The following ATP13A5 variants were observed in gnomAD, a reference collection of about 807,000 sequenced individuals.
ATP13A5 encodes ATPase 13A5, also known as probable cation-transporting ATPase 13A5.
A neutral mutation model predicts 150.2 loss-of-function variants in ATP13A5; 149 were observed. The observed-to-expected ratio is 0.99, with a 90% confidence interval of 0.87 to 1.14. ATP13A5 has a LOEUF of 1.14. Ranked by LOEUF, ATP13A5 falls within the 50% of genes most tolerant of loss-of-function variation. The probability of loss-of-function intolerance (pLI) is 0.00; values close to 1 mark genes in which losing one functional copy is unlikely to be tolerated. For missense variants in ATP13A5, 1,383 were observed against 1,449.3 expected (o/e 0.95, Z 0.74); for synonymous variants, 497 against 522.2 (o/e 0.95, Z 0.66).
intron 9 of ATP13A5, among the ~76,000 whole-genome samples, chr3:193,342,193 TA>T (rs1712154714): frequency 6.6e-6 from 1 of 152,230 alleles, no homozygotes; most frequent in African/African-American, 2.4e-5. Context: ...GAATATTTGA[TA>T]TTTTTATTCT....
chr3:193,358,225 C>T (rs1285289788), intron 5 of ATP13A5, among the ~76,000 whole-genome samples: 1 of 152,180 alleles, frequency 6.6e-6, no homozygotes, highest in African/African-American at 2.4e-5. Context: ...GAGATTCTGG[C>T]ATAACCCACT....
At chr3:193,334,250 C>T (rs1180193668) in intron 10 of ATP13A5, among the ~76,000 whole-genome samples, 1 of 152,118 alleles carries the variant, frequency 6.6e-6, no homozygotes, top group Non-Finnish European at 1.5e-5. Context: ...GTGAATAAGT[C>T]GGGTGGCAGA....
At chr3:193,360,722 G>A (rs1307208101) in intron 5 of ATP13A5, among the ~76,000 whole-genome samples, 2 of 152,068 alleles carry the variant, frequency 1.3e-5, no homozygotes, top group Non-Finnish European at 2.9e-5. Context: ...TGTTGCCCAG[G>A]CTAAAGTACA....
At chr3:193,293,823 T>C (rs1284498122) in intron 25 of ATP13A5, among the ~76,000 whole-genome samples, 1 of 152,040 alleles carries the variant, frequency 6.6e-6, no homozygotes, top group Admixed American at 6.6e-5. Context: ...CCAGAAAAGA[T>C]TAGGAGTCAT....
At chr3:193,318,108 A>G (rs1164343274) in intron 17 of ATP13A5, among the ~76,000 whole-genome samples, 1 of 152,222 alleles carries the variant, frequency 6.6e-6, no homozygotes, top group Non-Finnish European at 1.5e-5. Context: ...GCCTTCTTGG[A>G]GATCATCCAA....
At chr3:193,339,342 G>C (rs888347628) in intron 9 of ATP13A5, among the ~76,000 whole-genome samples, 4 of 152,096 alleles carry the variant, frequency 2.6e-5, no homozygotes, top group African/African-American at 7.2e-5. Flanking sequence ...GTCAACTTTA[G>C]ATCTTTCCTG....
Position 193,305,687 on chromosome 3 carries a change from G to A in ATP13A5, c.2569-19C>T. On this transcript the variant is annotated intron_variant, in intron 22 of 29. Coordinates refer to ENST00000342358, the MANE Select transcript of ATP13A5 (RefSeq NM_198505.4). ...TCAAAGCCTGGAATGATAAGCCCAT[G>A]TCTCACCCATGACTTTTCAGGTTAG... The A allele has an allele frequency of 5.0e-6, 8 of 1,608,456 alleles. No individual in the cohort carries two copies. Among genetic ancestry groups the A allele is most frequent in the Non-Finnish European group, 6.8e-6 (8 of 1,174,966 alleles).
At chr3:193,349,774 A>C (rs1712492404) in intron 7 of ATP13A5, among the ~76,000 whole-genome samples, 1 of 152,130 alleles carries the variant, frequency 6.6e-6, no homozygotes, top group Non-Finnish European at 1.5e-5. Context: ...ATCCAGGGGA[A>C]ATAAACACTC....
Position 193,318,974 on chromosome 3 carries a change from A to G in ATP13A5, c.2033+17T>C, listed in dbSNP as rs1719155314. 21 of 1,591,356 alleles carry G rather than the reference A, an allele frequency of 1.3e-5. No individual in the cohort carries two copies. The highest frequency in any genetic ancestry group is 1.8e-5 in the Non-Finnish European group (21 of 1,159,516). On this transcript the variant is annotated intron_variant, in intron 17 of 29. Transcript: ENST00000342358. Reference sequence around the variant, plus strand: ...GGGCACAGAGCCTGCTCTAGTGCCAATTTCTGAATTGCTTACCTGGCTAAG... The same window carrying G: ...GGGCACAGAGCCTGCTCTAGTGCCAGTTTCTGAATTGCTTACCTGGCTAAG...
rs1577334787 is a variant in ATP13A5, at chr3:193,301,239, T to C, written c.2747A>G (p.Gln916Arg). The change falls in exon 24 of 30, where the codon CAG becomes CGG. Residue 916 changes from glutamine (Q) to arginine (R), a missense_variant. Gln to Arg is a conservative substitution (Grantham distance 43, BLOSUM62 1). Coordinates refer to ENST00000342358, the MANE Select transcript of ATP13A5 (RefSeq NM_198505.4). ...ATAGAGCAGTAATGCACTGATAAAC[T>C]GGATTATGCCGTACATGGTCAAGTA... ...FKYLTMYGII[Q>R]FISALLLYWQ... is the part of the protein sequence containing the mutation. 6.2e-7 allele frequency: 1 copy of C among 1,613,434 alleles called. No individual in the cohort carries two copies.
At chr3:193,363,467 A>C in intron 2 of ATP13A5, 85 bp from the exon 3 acceptor site, 1 of 1,297,272 alleles carries the variant, frequency 7.7e-7, no homozygotes, top group Non-Finnish European at 1.1e-6. Flanking sequence ...AAGTGGTACA[A>C]AACTTTGACC....
At chr3:193,357,340 A>T (rs1463579318) in intron 5 of ATP13A5, among the ~76,000 whole-genome samples, 1 of 152,180 alleles carries the variant, frequency 6.6e-6, no homozygotes, top group Non-Finnish European at 1.5e-5. Context: ...ACGGGGATCC[A>T]GTTGATCAAT....
At chr3:193,313,760 C>T (rs902266994) in intron 19 of ATP13A5, 2 of 375,438 alleles carry the variant, frequency 5.3e-6, no homozygotes, top group African/African-American at 4.1e-5. Context: ...CATGACTGCA[C>T]ACTGGAATTG....
intron 27 of ATP13A5, among the ~76,000 whole-genome samples, chr3:193,283,529 C>A (rs1717591129): frequency 6.6e-6 from 1 of 152,088 alleles, no homozygotes; most frequent in South Asian, 2.1e-4. Context: ...CAAACTAAAA[C>A]CAAATAAGAC....
rs1237366504 is a variant in ATP13A5, at chr3:193,314,133, C to T, written c.2219G>A (p.Ser740Asn). The T allele has an allele frequency of 2.5e-6, 4 of 1,613,930 alleles. No individual in the cohort carries two copies. Among genetic ancestry groups the T allele is most frequent in the African/African-American group, 2.7e-5 (2 of 75,034 alleles). Residue 740 changes from serine to asparagine, a missense_variant, in exon 19 of 30, where the codon AGC becomes AAC. Physicochemically the swap from Ser to Asn is conservative, Grantham distance 46. Transcript: ENST00000342358. ...ATCGGCCTCAACAATGATCACTTGG[C>T]TGCCTGGAGGGATCATTTCAGAATT... Reference protein sequence around the residue: ...AKNSEMIPPGSQVIIVEADEP... With the variant: ...AKNSEMIPPGNQVIIVEADEP...
intron 7 of ATP13A5, 105 bp from the exon 8 acceptor site, chr3:193,345,180 T>C: frequency 9.1e-7 from 1 of 1,103,648 alleles, no homozygotes; most frequent in African/African-American, 1.5e-5. Flanking sequence ...CTAAAGTGAC[T>C]CTGGGCAAAG....
chr3:193,362,150 C>T (rs1247342445), intron 5 of ATP13A5, among the ~76,000 whole-genome samples: 1 of 152,186 alleles, frequency 6.6e-6, no homozygotes, highest in African/African-American at 2.4e-5. Flanking sequence ...GATTGCTCTA[C>T]AAGCCTGAGA....
Position 193,303,422 on chromosome 3 carries a change from T to C in ATP13A5, c.2679-2115A>G, listed in dbSNP as rs865938593. Among the ~76,000 whole-genome samples the C allele has an allele frequency of 3.6e-4, 55 of 152,176 alleles. 1 individual carries two copies. The highest frequency in any genetic ancestry group is 1.2e-3 in the African/African-American group (49 of 41,436). ...AAGCAAATTTATTGAGCACGTCCCATGTATCAGACATTGTATATATATAAT... is the reference window on the plus strand; with the variant it reads ...AAGCAAATTTATTGAGCACGTCCCACGTATCAGACATTGTATATATATAAT... On this transcript the variant is annotated intron_variant, in intron 23 of 29. Transcript: ENST00000342358.
intron 16 of ATP13A5, among the ~76,000 whole-genome samples, chr3:193,320,474 C>G (rs1417850758): frequency 6.6e-6 from 1 of 152,154 alleles, no homozygotes; most frequent in African/African-American, 2.4e-5. Flanking sequence ...AGGCCCAAAT[C>G]CTTACTGAGA....
Sources: allele counts gnomAD v4.1 joint callset (sites outside exome capture counted in the v4.1 genomes callset), GRCh38; gene constraint gnomAD v4.1.1; transcripts MANE v1.5; gene names NCBI Gene and HGNC (gene_info 2026-07-23, HGNC 2026-07-21).